Variants in SSBP3 observed in about 807,000 individuals in gnomAD.
The protein encoded by SSBP3 is single-stranded DNA-binding protein 3.
Under a neutral mutation model 69.6 loss-of-function variants are expected in SSBP3, and 5 were observed. The ratio of observed to expected loss-of-function variants is 0.07; its 90% CI spans 0.04 to 0.15. The LOEUF is 0.15. Ranked by LOEUF, SSBP3 falls within the 10% of genes least tolerant of loss-of-function variation. The probability of loss-of-function intolerance (pLI) is 1.00; values close to 1 mark genes in which losing one functional copy is unlikely to be tolerated. For synonymous variants in SSBP3, 196 were observed against 193.4 expected (o/e 1.01, Z -0.11); for missense variants, 312 against 534.0 (o/e 0.58, Z 4.10).
intron 4 of SSBP3, among the ~76,000 whole-genome samples, chr1:54,352,824 T>C (rs562851652): frequency 1.1e-4 from 17 of 152,298 alleles, no homozygotes; most frequent in African/African-American, 4.1e-4. Context: ...ACTGTCATGT[T>C]TTTCCCACTC....
exon 9 of SSBP3, chr1:54,251,690 G>A (rs771770733): frequency 2.6e-6 from 4 of 1,559,182 alleles, no homozygotes; most frequent in Non-Finnish European, 1.7e-6. Context: ...ATGTTGGGGT[G>A]GCCTGCGTGA....
chr1:54,328,202 C>T (rs955344209), intron 4 of SSBP3, among the ~76,000 whole-genome samples: 3 of 152,032 alleles, frequency 2.0e-5, no homozygotes, highest in African/African-American at 4.8e-5. Flanking sequence ...GGGCCCGCAG[C>T]GAACAATGAG....
At chr1:54,401,886 C>G in exon 4 of SSBP3, 1 of 1,614,024 alleles carries the variant, frequency 6.2e-7, no homozygotes, top group Non-Finnish European at 8.5e-7. Flanking sequence ...TTTTGCTTCA[C>G]TTGAATGTTC....
In SSBP3 at chr1:54,386,683, C is replaced by CTTTTTTTTTTTTTTTTT. The variant is rs58429798; in HGVS notation, c.276+15161_276+15177dup. Among the ~76,000 whole-genome samples the CTTTTTTTTTTTTTTTTT allele has an allele frequency of 2.8e-3, 212 of 76,078 alleles. 51 individuals carry two copies. Among genetic ancestry groups the CTTTTTTTTTTTTTTTTT allele is most frequent in the African/African-American group, 9.1e-3 (132 of 14,578 alleles). 49.9% of individuals were successfully genotyped at this position (76,078 alleles called of 152,430 possible). On this transcript the variant is annotated intron_variant, in intron 4 of 17. Transcript: ENST00000610401. ...ATCCACAATGTATAAACTGATCCTACTTTTTTTTTTTTTTTTTTTTTAAGA... is the reference window on the plus strand; with the variant it reads ...ATCCACAATGTATAAACTGATCCTACTTTTTTTTTTTTTTTTTTTTTTTTTTTTTTTTTTTTTTAAGA...
chr1:54,311,436 A>G (rs1397960513), intron 4 of SSBP3, among the ~76,000 whole-genome samples: 1 of 152,154 alleles, frequency 6.6e-6, no homozygotes, highest in African/African-American at 2.4e-5. Context: ...GAAGACAATC[A>G]CCCTGCCTGC....
chr1:54,290,214 G>C (rs141232319), intron 4 of SSBP3, among the ~76,000 whole-genome samples: 1 of 152,298 alleles, frequency 6.6e-6, no homozygotes, highest in African/African-American at 2.4e-5. Context: ...CAGGGGCCAA[G>C]TCCTCAGGCA....
intron 4 of SSBP3, among the ~76,000 whole-genome samples, chr1:54,321,186 A>G (rs1010775076): frequency 8.5e-5 from 13 of 152,214 alleles, no homozygotes; most frequent in Non-Finnish European, 1.6e-4. Flanking sequence ...AAAGGCGTTG[A>G]CCCACAGGGC....
chr1:54,294,165 A>C (rs1645661152), intron 4 of SSBP3, among the ~76,000 whole-genome samples: 1 of 74,664 alleles, frequency 1.3e-5, no homozygotes, highest in African/African-American at 4.8e-5. Context: ...AAAAAAAAGA[A>C]AGAAAGAAAG....
chr1:54,350,979 C>A (rs1015016936), intron 4 of SSBP3, among the ~76,000 whole-genome samples: 10 of 152,118 alleles, frequency 6.6e-5, no homozygotes. Context: ...CACGTGCCGC[C>A]AAGCCCAGCT....
At chr1:54,379,461 G>T (rs1012091076) in intron 4 of SSBP3, among the ~76,000 whole-genome samples, 7 of 152,228 alleles carry the variant, frequency 4.6e-5, no homozygotes, top group Non-Finnish European at 1.0e-4. Flanking sequence ...CAGGCTCCCA[G>T]GCTGAGACAA....
intron 5 of SSBP3, among the ~76,000 whole-genome samples, chr1:54,269,424 G>T (rs1318088500): frequency 6.6e-6 from 1 of 152,164 alleles, no homozygotes; most frequent in Non-Finnish European, 1.5e-5. Context: ...TTTACAGGTG[G>T]GGACACTATG....
intron 4 of SSBP3, among the ~76,000 whole-genome samples, chr1:54,367,582 G>A (rs1569953546): frequency 6.6e-6 from 1 of 152,220 alleles, no homozygotes; most frequent in East Asian, 1.9e-4. Flanking sequence ...GCACTCTGGT[G>A]CCAGACTAGC....
chr1:54,374,481 C>A (rs1647184812), intron 4 of SSBP3, among the ~76,000 whole-genome samples: 1 of 152,228 alleles, frequency 6.6e-6, no homozygotes, highest in Non-Finnish European at 1.5e-5. Context: ...CCTGTCCAAG[C>A]CTTTCCAGGA....
intron 4 of SSBP3, among the ~76,000 whole-genome samples, chr1:54,388,172 A>G (rs1409070447): frequency 1.3e-5 from 2 of 152,032 alleles, no homozygotes. Flanking sequence ...TTCTACTGAA[A>G]TGATCCAATT....
intron 4 of SSBP3, among the ~76,000 whole-genome samples, chr1:54,302,338 GAGA>G (rs1645818066): frequency 7.3e-6 from 1 of 136,094 alleles, no homozygotes; most frequent in Non-Finnish European, 1.5e-5. Flanking sequence ...TTTTTTTCCT[GAGA>G]AGGAGTTTTA....
At chr1:54,365,315 G>A (rs184958636) in intron 4 of SSBP3, among the ~76,000 whole-genome samples, 32 of 152,240 alleles carry the variant, frequency 2.1e-4, no homozygotes, top group Admixed American at 1.7e-3. Context: ...ATGCTCTATC[G>A]TGTCACCAAC....
intron 4 of SSBP3, among the ~76,000 whole-genome samples, chr1:54,364,014 T>A (rs1646990033): frequency 6.6e-6 from 1 of 152,194 alleles, no homozygotes; most frequent in Non-Finnish European, 1.5e-5. Flanking sequence ...AAGAAGAACT[T>A]CTTCCTTTAC....
At chr1:54,262,663 C>G (rs1403659574) in intron 5 of SSBP3, among the ~76,000 whole-genome samples, 1 of 152,250 alleles carries the variant, frequency 6.6e-6, no homozygotes, top group African/African-American at 2.4e-5. Flanking sequence ...CTCCCTCTCA[C>G]TCCCAGACAG....
intron 4 of SSBP3, chr1:54,356,941 A>G (rs1447278275): frequency 3.3e-5 from 5 of 152,282 alleles, no homozygotes; most frequent in African/African-American, 1.2e-4. Context: ...ATAAAATCAC[A>G]CAGACGCAGA....
Sources: allele counts gnomAD v4.1 joint callset (sites outside exome capture counted in the v4.1 genomes callset), GRCh38; gene constraint gnomAD v4.1.1; transcripts MANE v1.5; gene names NCBI Gene and HGNC (gene_info 2026-07-23, HGNC 2026-07-21).